The following CNGA1 variants were observed in gnomAD, a reference collection of about 807,000 sequenced individuals.
The protein encoded by CNGA1 is cyclic nucleotide-gated channel alpha-1.
Under a neutral mutation model 69.7 loss-of-function variants are expected in CNGA1, and 53 were observed. The observed-to-expected ratio is 0.76, with a 90% CI of 0.61 to 0.96. CNGA1 has a LOEUF of 0.96. CNGA1 is among the 40% of genes least tolerant of loss of function. CNGA1 has a pLI of 0.00. For synonymous variants in CNGA1, 249 were observed against 283.5 expected (o/e 0.88, Z 1.22); for missense variants, 739 against 811.2 (o/e 0.91, Z 1.08).
chr4:47,953,632 G>C (rs1204821591), intron 3 of CNGA1, among the ~76,000 whole-genome samples: 1 of 152,260 alleles, frequency 6.6e-6, no homozygotes, highest in African/African-American at 2.4e-5. Flanking sequence ...AGCTCAGGTA[G>C]AGGAGGCAGG....
At chr4:48,011,586 C>A (rs1239956268) in intron 1 of CNGA1, among the ~76,000 whole-genome samples, 1 of 152,100 alleles carries the variant, frequency 6.6e-6, no homozygotes, top group Admixed American at 6.5e-5. Context: ...CTGATCATGG[C>A]GCATGACACA....
chr4:47,973,097 T>G (rs1741132109), intron 3 of CNGA1, among the ~76,000 whole-genome samples: 1 of 143,318 alleles, frequency 7.0e-6, no homozygotes, highest in Non-Finnish European at 1.5e-5. Flanking sequence ...AGAGGGAGTC[T>G]TGCTCTGCCG....
intron 5 of CNGA1, 61 bp downstream of exon 5, chr4:47,951,292 A>G: frequency 1.8e-6 from 2 of 1,104,318 alleles, no homozygotes; most frequent in Non-Finnish European, 2.8e-6. Flanking sequence ...AATTCAAAAC[A>G]CTGCAACCTT....
At chr4:47,940,728 G>A in intron 10 of CNGA1, 35 bp downstream of exon 10, 1 of 1,339,228 alleles carries the variant, frequency 7.5e-7, no homozygotes. Flanking sequence ...ATAAAAGCAT[G>A]AAATTTTAAA....
At chr4:47,952,189 C>G (rs976816638) in intron 4 of CNGA1, among the ~76,000 whole-genome samples, 2 of 148,788 alleles carry the variant, frequency 1.3e-5, no homozygotes, top group South Asian at 2.2e-4. Context: ...ATGGCAAAAC[C>G]CTGTCTCTAC....
At chr4:47,982,140 A>G (rs1349560288) in intron 2 of CNGA1, among the ~76,000 whole-genome samples, 1 of 152,222 alleles carries the variant, frequency 6.6e-6, no homozygotes, top group Non-Finnish European at 1.5e-5. Context: ...AATTTCCCTA[A>G]GAACTCTTTT....
chr4:47,956,736 A>G (rs1323080826), intron 3 of CNGA1, among the ~76,000 whole-genome samples: 1 of 152,152 alleles, frequency 6.6e-6, no homozygotes, highest in Non-Finnish European at 1.5e-5. Context: ...AAAGAAGAGG[A>G]AGGAAAAGGG....
At chr4:47,988,505 C>T (rs1041520217) in intron 2 of CNGA1, among the ~76,000 whole-genome samples, 1 of 151,886 alleles carries the variant, frequency 6.6e-6, no homozygotes, top group Non-Finnish European at 1.5e-5. Context: ...GAGATAAACT[C>T]CACCTTAAAT....
In CNGA1 at chr4:47,936,716, G is replaced by C. The variant is rs1472633518; in HGVS notation, c.1766C>G (p.Thr589Ser). 10 of 1,614,106 alleles carry C rather than the reference G, an allele frequency of 6.2e-6. No individual in the cohort carries two copies. Among genetic ancestry groups the C allele is most frequent in the Non-Finnish European group, 8.5e-6 (10 of 1,180,032 alleles). The part of the protein sequence containing the change: ...EALTEYPDAK[T>S]MLEEKGKQIL... ...CTGCTTCCCTTTCTCTTCCAGCATAGTTTTGGCATCTGGGTACTCAGTTAG... is the reference window on the plus strand; with the variant it reads ...CTGCTTCCCTTTCTCTTCCAGCATACTTTTGGCATCTGGGTACTCAGTTAG... The change falls in exon 11 of 11, where the codon ACT becomes AGT. Residue 589 changes from threonine to serine, a missense_variant. Transcript: ENST00000514170.
At chr4:47,953,563 C>T (rs1276837342) in intron 3 of CNGA1, among the ~76,000 whole-genome samples, 1 of 152,096 alleles carries the variant, frequency 6.6e-6, no homozygotes, top group East Asian at 1.9e-4. Flanking sequence ...GCATATATAC[C>T]CAAGCAACAT....
At position 47,936,749 on chromosome 4, in the gene CNGA1, A is replaced by T. The variant is rs750370709; in HGVS notation, c.1733T>A (p.Met578Lys). The T allele has an allele frequency of 1.2e-6, 2 of 1,614,070 alleles. No individual in the cohort carries two copies. Among genetic ancestry groups the T allele is most frequent in the African/African-American group, 2.7e-5 (2 of 74,920 alleles). ...DLFCLSKDDLMEALTEYPDAK... is the reference protein window; with the variant it reads ...DLFCLSKDDLKEALTEYPDAK... Reference sequence around the variant, plus strand: ...ATCTGGGTACTCAGTTAGAGCTTCCATGAGGTCATCTTTTGAGAGACAGAA... The same window carrying T: ...ATCTGGGTACTCAGTTAGAGCTTCCTTGAGGTCATCTTTTGAGAGACAGAA... Residue 578 changes from methionine (M) to lysine (K), a missense_variant, in exon 11 of 11, where the codon ATG (methionine) becomes AAG (lysine). Transcript: ENST00000514170.
chr4:47,979,439 C>T (rs1203623623), intron 3 of CNGA1, among the ~76,000 whole-genome samples: 1 of 151,940 alleles, frequency 6.6e-6, no homozygotes, highest in Non-Finnish European at 1.5e-5. Flanking sequence ...TGCTTAATGC[C>T]ATACCCAAAA....
chr4:47,948,922 G>A (rs1560624485), intron 6 of CNGA1, among the ~76,000 whole-genome samples: 1 of 152,092 alleles, frequency 6.6e-6, no homozygotes, highest in East Asian at 1.9e-4. Context: ...AAGCGGAGAG[G>A]GTGAAGAATT....
chr4:47,993,227 C>A (rs1742349363), intron 2 of CNGA1, among the ~76,000 whole-genome samples: 2 of 152,110 alleles, frequency 1.3e-5, no homozygotes, highest in South Asian at 4.1e-4. Context: ...AGGGTTCCCT[C>A]ATTCTCTATC....
intron 3 of CNGA1, among the ~76,000 whole-genome samples, chr4:47,969,150 T>C (rs1338858363): frequency 6.6e-6 from 1 of 152,166 alleles, no homozygotes; most frequent in Non-Finnish European, 1.5e-5. Flanking sequence ...TGGCTCTTAA[T>C]ACTGCTCATT....
chr4:47,985,543 T>C (rs985828278), intron 2 of CNGA1, among the ~76,000 whole-genome samples: 5 of 152,190 alleles, frequency 3.3e-5, no homozygotes, highest in African/African-American at 4.8e-5. Flanking sequence ...GTAATGATTA[T>C]AGTAAACCTT....
Position 47,952,524 on chromosome 4 carries a change from A to C in CNGA1, c.107+59T>G, listed in dbSNP as rs1434888887. 12 of 1,554,946 alleles carry C rather than the reference A, an allele frequency of 7.7e-6. No individual in the cohort carries two copies. In the African/African-American group the frequency reaches 1.5e-4, roughly 19 times the overall value. ...ATAAAGCTAAATTGAAATTAAATCTAGTTAAATTAAAGAACTGTAGCTAAT... is the reference window on the plus strand; with the variant it reads ...ATAAAGCTAAATTGAAATTAAATCTCGTTAAATTAAAGAACTGTAGCTAAT... On this transcript the variant is annotated intron_variant, in intron 4 of 10. Transcript: ENST00000514170.
chr4:47,953,998 C>G (rs1486447350), intron 3 of CNGA1, among the ~76,000 whole-genome samples: 1 of 151,988 alleles, frequency 6.6e-6, no homozygotes, highest in Non-Finnish European at 1.5e-5. Flanking sequence ...CTGTCACGTC[C>G]CCCCCATCCT....
At chr4:47,995,249 T>G (rs1742433214) in intron 2 of CNGA1, among the ~76,000 whole-genome samples, 1 of 152,206 alleles carries the variant, frequency 6.6e-6, no homozygotes, top group Non-Finnish European at 1.5e-5. Flanking sequence ...GAAATTTTCC[T>G]AGATTCTTCT....
Sources: allele counts gnomAD v4.1 joint callset (sites outside exome capture counted in the v4.1 genomes callset), GRCh38; gene constraint gnomAD v4.1.1; transcripts MANE v1.5; gene names NCBI Gene and HGNC (gene_info 2026-07-23, HGNC 2026-07-21).